Variants in LYPLAL1 observed in about 807,000 individuals in gnomAD.
The protein encoded by LYPLAL1 is lysophospholipase-like protein 1.
In LYPLAL1, 23 loss-of-function variants were observed where a neutral mutation model predicts 19.7. The ratio of observed to expected loss-of-function variants is 1.17; its 90% CI spans 0.84 to 1.65. The LOEUF is 1.65. Ranked by LOEUF, LYPLAL1 falls within the 40% of genes most tolerant of loss-of-function variation. The pLI is 0.00. For missense variants in LYPLAL1, 355 were observed against 279.4 expected (o/e 1.27, Z -1.93); for synonymous variants, 119 against 96.3 (o/e 1.24, Z -1.38).
At chr1:219,414,383 G>A in the LYPLAL1 span, among the ~76,000 whole-genome samples, 1 of 152,118 alleles carries the variant, frequency 6.6e-6, no homozygotes, top group Non-Finnish European at 1.5e-5. Flanking sequence ...ACACTGACTG[G>A]CACTCAATGG....
At chr1:219,196,899 A>G (rs961908678) in intron 3 of LYPLAL1, among the ~76,000 whole-genome samples, 3 of 152,146 alleles carry the variant, frequency 2.0e-5, no homozygotes, top group Non-Finnish European at 2.9e-5. Flanking sequence ...CCCATGCACA[A>G]TTGCTACAAA....
the LYPLAL1 span, among the ~76,000 whole-genome samples, chr1:219,339,520 T>C: frequency 6.6e-6 from 1 of 152,082 alleles, no homozygotes; most frequent in Non-Finnish European, 1.5e-5. Flanking sequence ...TTTACACAAA[T>C]ATGCAGCTAA....
the LYPLAL1 span, among the ~76,000 whole-genome samples, chr1:219,441,300 G>C: frequency 6.6e-6 from 1 of 152,062 alleles, no homozygotes; most frequent in Non-Finnish European, 1.5e-5. Flanking sequence ...TCATTAGGTA[G>C]GATAATGATA....
chr1:219,215,339 C>G (rs1345362355), downstream of LYPLAL1, among the ~76,000 whole-genome samples: 1 of 151,996 alleles, frequency 6.6e-6, no homozygotes, highest in Admixed American at 6.6e-5. Context: ...TCATTTTTAT[C>G]TCTGTTCTTC....
chr1:219,349,008 G>C, the LYPLAL1 span, among the ~76,000 whole-genome samples: 1 of 152,044 alleles, frequency 6.6e-6, no homozygotes, highest in African/African-American at 2.4e-5. Context: ...TTTCATTTTA[G>C]ACTGACAACA....
chr1:219,263,994 C>T, the LYPLAL1 span, among the ~76,000 whole-genome samples: 2 of 152,162 alleles, frequency 1.3e-5, no homozygotes, highest in Non-Finnish European at 2.9e-5. Context: ...TAGTGTGAGT[C>T]TTCACATGCT....
At chr1:219,438,866 T>A in the LYPLAL1 span, among the ~76,000 whole-genome samples, 1 of 152,188 alleles carries the variant, frequency 6.6e-6, no homozygotes, top group East Asian at 1.9e-4. Flanking sequence ...GAAATTGTAA[T>A]GACAAAGGAC....
the LYPLAL1 span, among the ~76,000 whole-genome samples, chr1:219,218,049 G>A: frequency 4.6e-5 from 7 of 152,018 alleles, no homozygotes; most frequent in East Asian, 1.4e-3. Flanking sequence ...AATCCTTAAA[G>A]AGAAGTAAAA....
the LYPLAL1 span, chr1:219,273,428 TAAATA>T: frequency 2.0e-5 from 3 of 152,204 alleles, no homozygotes; most frequent in Non-Finnish European, 2.9e-5. Flanking sequence ...TCTGAATAAA[TAAATA>T]AAAGTATGTT....
chr1:219,200,272 C>A, intron 3 of LYPLAL1: 1 of 226,588 alleles, frequency 4.4e-6, no homozygotes. Flanking sequence ...GTATTCTTCA[C>A]TACCATTTGT....
At chr1:219,354,241 G>A in the LYPLAL1 span, among the ~76,000 whole-genome samples, 1 of 152,180 alleles carries the variant, frequency 6.6e-6, no homozygotes, top group African/African-American at 2.4e-5. Flanking sequence ...CTGTCGCCCA[G>A]GCTAGAGTGC....
chr1:219,175,181 C>A, intron 1 of LYPLAL1: 1 of 810,056 alleles, frequency 1.2e-6, no homozygotes, highest in Non-Finnish European at 1.5e-6. Flanking sequence ...TGAGTAGTGG[C>A]GGATTTGGGA....
the LYPLAL1 span, among the ~76,000 whole-genome samples, chr1:219,336,767 A>C: frequency 6.6e-6 from 1 of 152,038 alleles, no homozygotes; most frequent in Non-Finnish European, 1.5e-5. Context: ...TCAGCTTGGG[A>C]AATGGAAAGC....
At chr1:219,258,413 C>T in the LYPLAL1 span, among the ~76,000 whole-genome samples, 1 of 151,996 alleles carries the variant, frequency 6.6e-6, no homozygotes, top group Non-Finnish European at 1.5e-5. Context: ...AATTTATGTT[C>T]TTCTGCCATG....
chr1:219,413,141 G>GA, the LYPLAL1 span, among the ~76,000 whole-genome samples: 2,794 of 147,282 alleles, frequency 0.019, 78 homozygotes, highest in African/African-American at 0.064. Context: ...TCTTGACAAA[G>GA]AAAAAAAAAA....
the LYPLAL1 span, among the ~76,000 whole-genome samples, chr1:219,374,842 C>A: frequency 6.6e-6 from 1 of 152,162 alleles, no homozygotes; most frequent in Non-Finnish European, 1.5e-5. Context: ...CGTTCCATGA[C>A]TTCACCCTGA....
the LYPLAL1 span, among the ~76,000 whole-genome samples, chr1:219,424,211 T>A: frequency 2.0e-5 from 3 of 152,126 alleles, no homozygotes; most frequent in Non-Finnish European, 4.4e-5. Flanking sequence ...TAATTCTGGC[T>A]TAAAGACTCA....
chr1:219,259,022 A>G, the LYPLAL1 span, among the ~76,000 whole-genome samples: 2 of 152,228 alleles, frequency 1.3e-5, no homozygotes, highest in African/African-American at 2.4e-5. Context: ...TATGCTTAAC[A>G]TCACTAATTA....
chr1:219,336,489 CT>C, the LYPLAL1 span, among the ~76,000 whole-genome samples: 3 of 151,750 alleles, frequency 2.0e-5, no homozygotes, highest in South Asian at 2.1e-4. Flanking sequence ...AAAATGGTGA[CT>C]TTTTTTACTA....
Sources: allele counts gnomAD v4.1 joint callset (sites outside exome capture counted in the v4.1 genomes callset), GRCh38; gene constraint gnomAD v4.1.1; transcripts MANE v1.5; gene names NCBI Gene and HGNC (gene_info 2026-07-23, HGNC 2026-07-21).